KCNU1: variants seen among roughly 807,000 people sequenced by gnomAD.
KCNU1 encodes the protein potassium calcium-activated channel subfamily U member 1, also known as potassium channel subfamily U member 1.
Under a neutral mutation model 126.8 loss-of-function variants are expected in KCNU1, and 93 were observed. The ratio of observed to expected loss-of-function variants is 0.73; its 90% CI spans 0.62 to 0.87. The LOEUF is 0.87. Ranked by LOEUF, KCNU1 falls within the 40% of genes least tolerant of loss-of-function variation. The probability of loss-of-function intolerance (pLI) is 0.00; values close to 1 mark genes in which losing one functional copy is unlikely to be tolerated. For missense variants in KCNU1, 1,330 were observed against 1,367.1 expected, an observed-to-expected ratio of 0.97 and a Z score of 0.43; for synonymous variants, 523 against 494.2, an observed-to-expected ratio of 1.06 and a Z score of -0.77.
chr8:36,877,833 G>A (rs539557665), intron 19 of KCNU1, among the ~76,000 whole-genome samples: 4 of 152,120 alleles, frequency 2.6e-5, no homozygotes, highest in Middle Eastern at 3.4e-3. Flanking sequence ...AACAATGCCC[G>A]TTATCATATA....
At chr8:36,823,493 G>C (rs1804203519) in intron 10 of KCNU1, among the ~76,000 whole-genome samples, 1 of 152,022 alleles carries the variant, frequency 6.6e-6, no homozygotes, top group South Asian at 2.1e-4. Flanking sequence ...CACAATTAGT[G>C]TTTATATCAT....
chr8:36,906,320 G>A (rs574969877), intron 20 of KCNU1, among the ~76,000 whole-genome samples: 127 of 151,846 alleles, frequency 8.4e-4, no homozygotes, highest in Non-Finnish European at 1.4e-3. Context: ...TAAACACTCC[G>A]TACAACCGGG....
Position 36,905,783 on chromosome 8 carries a change from C to A in KCNU1, c.2085C>A (p.Thr695=). Residue 695 remains threonine, a synonymous_variant, in exon 20 of 27, where the codon ACC becomes ACA. Coordinates refer to ENST00000399881, the MANE Select transcript of KCNU1 (RefSeq NM_001031836.3). ...SSGMFHWCKP[T]SLDKVTLKRT... The stretch of plus-strand genomic sequence containing the variant: ...GGATGTTTCACTGGTGCAAACCAAC[C>A]TCTTTGGACAAGGTGACTCTGGTAG... The A allele has an allele frequency of 6.3e-7, 1 of 1,574,854 alleles. No individual in the cohort carries two copies.
At chr8:36,834,521 C>T (rs1001020154) in intron 11 of KCNU1, among the ~76,000 whole-genome samples, 4 of 152,150 alleles carry the variant, frequency 2.6e-5, no homozygotes, top group Non-Finnish European at 5.9e-5. Context: ...AAAAATATAA[C>T]GCCTTATTTT....
intron 13 of KCNU1, 28 bp from the exon 14 acceptor site, chr8:36,836,765 G>A (rs762069974): frequency 1.2e-6 from 2 of 1,610,710 alleles, no homozygotes; most frequent in East Asian, 2.2e-5. Context: ...TATTCCTAAT[G>A]TTTGACCTGC....
chr8:36,886,004 G>A (rs937590639), intron 19 of KCNU1, among the ~76,000 whole-genome samples: 1 of 152,086 alleles, frequency 6.6e-6, no homozygotes, highest in African/African-American at 2.4e-5. Context: ...ACAGACCCAC[G>A]AAAAATCTGA....
intron 20 of KCNU1, among the ~76,000 whole-genome samples, chr8:36,906,555 C>G (rs1023241484): frequency 2.0e-5 from 3 of 152,096 alleles, no homozygotes; most frequent in Non-Finnish European, 4.4e-5. Context: ...ATAAATTTAA[C>G]TAATAAAAAT....
At chr8:36,880,004 G>C (rs1380905157) in intron 19 of KCNU1, among the ~76,000 whole-genome samples, 1 of 152,188 alleles carries the variant, frequency 6.6e-6, no homozygotes, top group East Asian at 1.9e-4. Flanking sequence ...TGTACTGCAG[G>C]CTTTATGAAT....
chr8:36,786,598 G>C (rs192547576), intron 1 of KCNU1, among the ~76,000 whole-genome samples: 1 of 152,186 alleles, frequency 6.6e-6, no homozygotes, highest in African/African-American at 2.4e-5. Flanking sequence ...TCTTTGTGGT[G>C]GTTCTAGACT....
At chr8:36,912,813 C>T (rs1807934886) in intron 22 of KCNU1, among the ~76,000 whole-genome samples, 3 of 151,728 alleles carry the variant, frequency 2.0e-5, no homozygotes, top group Admixed American at 2.0e-4. Context: ...ACTGAAAATA[C>T]AAAAATTAGC....
chr8:36,846,789 A>G (rs1805165847), intron 18 of KCNU1, among the ~76,000 whole-genome samples: 1 of 46,946 alleles, frequency 2.1e-5, no homozygotes, highest in African/African-American at 7.0e-5. Flanking sequence ...CGACAGAGCG[A>G]AAAAAAAAAA....
chr8:36,895,833 A>AACATAATG (rs1225988542), intron 19 of KCNU1, among the ~76,000 whole-genome samples: 1 of 152,114 alleles, frequency 6.6e-6, no homozygotes, highest in Non-Finnish European at 1.5e-5. Flanking sequence ...ATTAATCTGC[A>AACATAATG]ACATAATGAC....
intron 16 of KCNU1, among the ~76,000 whole-genome samples, chr8:36,844,955 A>G (rs1805089836): frequency 6.6e-6 from 1 of 152,234 alleles, no homozygotes; most frequent in Non-Finnish European, 1.5e-5. Flanking sequence ...ACAGAAAATT[A>G]TAATACAATA....
intron 13 of KCNU1, 76 bp from the exon 14 acceptor site, chr8:36,836,717 A>G: frequency 7.9e-7 from 1 of 1,265,454 alleles, no homozygotes; most frequent in Non-Finnish European, 1.1e-6. Context: ...TTAAAAAAAG[A>G]AAGACATCCA....
Position 36,814,455 on chromosome 8 carries a change from A to G in KCNU1, c.903+78A>G, listed in dbSNP as rs1803836690. 2.8e-6 allele frequency: 3 copies of G among 1,056,266 alleles called. No homozygotes were observed. In the Admixed American group the frequency reaches 6.2e-5, roughly 22 times the overall value. The allele number at this position is 1,056,266 out of a possible 1,614,324, so 65.4% of individuals were successfully genotyped here. ...TTGGTTAATGGTAATCAATGAAACA[A>G]TATAGGTTTAAGAGTGAATGTTGCA... is the stretch of plus-strand genomic sequence containing the variant. On this transcript the variant is annotated intron_variant, in intron 8 of 26. Coordinates refer to ENST00000399881, the MANE Select transcript of KCNU1 (RefSeq NM_001031836.3).
In KCNU1 at chr8:36,935,538, A is replaced by T. The variant is rs1808825409; in HGVS notation, c.3068A>T (p.Asn1023Ile). 2 of 1,603,908 alleles carry T rather than the reference A, an allele frequency of 1.2e-6. No homozygotes were observed. Among genetic ancestry groups the T allele is most frequent in the Admixed American group, 1.7e-5 (1 of 59,150 alleles). The change falls in exon 27 of 27, where the codon AAT becomes ATT. Residue 1023 changes from asparagine (N) to isoleucine (I), a missense_variant. Asn to Ile is a moderately radical substitution (Grantham distance 149). This residue lies in a region of KCNU1 where 1,054 missense variants were observed against 1,053.9 expected (regional missense o/e 1.00). Coordinates refer to ENST00000399881, the MANE Select transcript of KCNU1 (RefSeq NM_001031836.3). ...NKRFVITRPA[N>I]EFKLLPSDLV... ...AGGTTTGTGATCACCCGGCCAGCCA[A>T]TGAGTTCAAGCTGCTGCCTTCAGAT...
Position 36,935,769 on chromosome 8 carries a change from C to G in KCNU1, c.3299C>G (p.Ser1100Cys). The G allele has an allele frequency of 2.5e-6, 4 of 1,613,486 alleles. No homozygotes were observed. Among genetic ancestry groups the G allele is most frequent in the Non-Finnish European group, 3.4e-6 (4 of 1,179,558 alleles). ...YSYQPRTNSLSFPKQIAWNQS... is the reference protein window; with the variant it reads ...YSYQPRTNSLCFPKQIAWNQS... ...TACCAGCCGAGAACTAACTCCCTCT[C>G]TTTTCCTAAGCAAATAGCATGGAAT... The change falls in exon 27 of 27, where the codon TCT becomes TGT. Residue 1100 changes from serine (S) to cysteine (C), a missense_variant. Ser to Cys is a moderately radical substitution (Grantham distance 112). This residue lies in a region of KCNU1 where 1,054 missense variants were observed against 1,053.9 expected (regional missense o/e 1.00). Coordinates refer to ENST00000399881, the MANE Select transcript of KCNU1 (RefSeq NM_001031836.3).
chr8:36,930,725 G>A (rs538537961), intron 24 of KCNU1, among the ~76,000 whole-genome samples: 2 of 152,104 alleles, frequency 1.3e-5, no homozygotes, highest in African/African-American at 4.8e-5. Context: ...AATCTCCAAG[G>A]AACAGGAACT....
At chr8:36,911,874 G>A (rs1490747361) in intron 22 of KCNU1, among the ~76,000 whole-genome samples, 1 of 152,176 alleles carries the variant, frequency 6.6e-6, no homozygotes, top group African/African-American at 2.4e-5. Context: ...CAATTCCCAT[G>A]ACAGAATTGT....
Sources: allele counts gnomAD v4.1 joint callset (sites outside exome capture counted in the v4.1 genomes callset), GRCh38; gene constraint gnomAD v4.1.1; regional missense constraint gnomAD v4.1.1; transcripts MANE v1.5; gene names NCBI Gene and HGNC (gene_info 2026-07-23, HGNC 2026-07-21).